UNC13C: variants seen among roughly 807,000 people sequenced by gnomAD.
UNC13C encodes protein unc-13 homolog C.
UNC13C carries 174 observed loss-of-function variants against 245.4 expected under a neutral mutation model. The observed-to-expected ratio is 0.71, with a 90% CI of 0.63 to 0.80. The LOEUF (loss-of-function observed/expected upper bound fraction) is 0.80. UNC13C is among the 30% of genes least tolerant of loss of function. UNC13C has a pLI of 0.00. For synonymous variants in UNC13C, 992 were observed against 895.1 expected, an observed-to-expected ratio of 1.11 and a Z score of -1.93; for missense variants, 2,829 against 2,602.9, an observed-to-expected ratio of 1.09 and a Z score of -1.89.
intron 2 of UNC13C, among the ~76,000 whole-genome samples, chr15:54,039,737 C>G (rs891292980): frequency 2.6e-5 from 4 of 152,128 alleles, no homozygotes; most frequent in Admixed American, 6.5e-5. Flanking sequence ...CTCCTAGACT[C>G]TAGCCTATTA....
At chr15:54,455,206 T>TCTCTCTCTCTCTCC (rs1491473719) in intron 19 of UNC13C, among the ~76,000 whole-genome samples, 1 of 24,028 alleles carries the variant, frequency 4.2e-5, no homozygotes, top group Non-Finnish European at 8.5e-5. Flanking sequence ...TCTCTCTCTC[T>TCTCTCTCTCTCTCC]ATATATATAT....
chr15:54,176,614 T>C (rs1284620724), intron 4 of UNC13C, among the ~76,000 whole-genome samples: 2 of 152,102 alleles, frequency 1.3e-5, no homozygotes, highest in Non-Finnish European at 2.9e-5. Flanking sequence ...ATAATTCATA[T>C]CCACCTTAAA....
At chr15:54,522,753 C>G (rs908051012) in intron 24 of UNC13C, among the ~76,000 whole-genome samples, 7 of 152,124 alleles carry the variant, frequency 4.6e-5, no homozygotes, top group African/African-American at 7.2e-5. Context: ...ACTCAAAATC[C>G]TTAAATTTTC....
chr15:54,620,045 T>C (rs576335776), intron 30 of UNC13C, among the ~76,000 whole-genome samples: 1 of 152,312 alleles, frequency 6.6e-6, no homozygotes, highest in African/African-American at 2.4e-5. Flanking sequence ...CATTGCACTT[T>C]AGGGTTGTAC....
intron 22 of UNC13C, among the ~76,000 whole-genome samples, chr15:54,504,457 G>A (rs563986463): frequency 6.6e-6 from 1 of 152,026 alleles, no homozygotes; most frequent in Non-Finnish European, 1.5e-5. Context: ...GACTAAAAAC[G>A]TTTAAATAAT....
chr15:53,867,445 G>A, the UNC13C span, among the ~76,000 whole-genome samples: 12 of 152,116 alleles, frequency 7.9e-5, no homozygotes, highest in African/African-American at 2.4e-4. Context: ...CCCTCTCTCC[G>A]CAGCCCAGCG....
chr15:54,223,814 C>G (rs2035296538), intron 4 of UNC13C, among the ~76,000 whole-genome samples: 1 of 151,866 alleles, frequency 6.6e-6, no homozygotes, highest in Non-Finnish European at 1.5e-5. Context: ...CAATTTCTTG[C>G]ATCAATGTTT....
At chr15:53,915,043 A>T in the UNC13C span, among the ~76,000 whole-genome samples, 1 of 152,166 alleles carries the variant, frequency 6.6e-6, no homozygotes, top group South Asian at 2.1e-4. Context: ...AATTTGAATT[A>T]TTTCACTAAA....
chr15:54,234,899 T>G (rs2140826919), intron 4 of UNC13C, 131 bp from the exon 5 acceptor site: 1 of 742,572 alleles, frequency 1.3e-6, no homozygotes, highest in East Asian at 2.7e-5. Context: ...TCTTTGCAGC[T>G]TTGTGAATCG....
In UNC13C at chr15:54,338,450, T is replaced by G. The variant is rs754483392; in HGVS notation, c.4674T>G (p.Phe1558Leu). The change falls in exon 17 of 33, where the codon TTT (phenylalanine) becomes TTG (leucine). Residue 1558 changes from phenylalanine to leucine, a missense_variant. Coordinates refer to ENST00000260323, the MANE Select transcript of UNC13C (RefSeq NM_001080534.3). ...TGGATTCTACATACAAGTATATTTT[T>G]GACAACTGCCATGAACTCTACTCCC... ...ACLDSTYKYI[F>L]DNCHELYSQL... 3.7e-6 allele frequency: 6 copies of G among 1,613,820 alleles called. No individual in the cohort carries two copies. Among genetic ancestry groups the G allele is most frequent in the Non-Finnish European group, 4.2e-6 (5 of 1,179,724 alleles).
chr15:54,575,924 A>G (rs369462559), intron 30 of UNC13C, among the ~76,000 whole-genome samples: 35 of 152,314 alleles, frequency 2.3e-4, no homozygotes, highest in African/African-American at 7.5e-4. Flanking sequence ...TTCTGATGAC[A>G]TTCACTTCAC....
chr15:54,603,319 T>G (rs1899550769), intron 30 of UNC13C, among the ~76,000 whole-genome samples: 1 of 152,212 alleles, frequency 6.6e-6, no homozygotes, highest in Non-Finnish European at 1.5e-5. Context: ...TTGAAGGTAT[T>G]GATTCCTCAA....
intron 2 of UNC13C, among the ~76,000 whole-genome samples, chr15:54,082,272 C>G (rs1898985602): frequency 6.6e-6 from 1 of 152,102 alleles, no homozygotes; most frequent in South Asian, 2.1e-4. Context: ...TGTATAGTAT[C>G]TCGCAGGTGT....
chr15:54,298,802 A>G (rs2037501400), intron 12 of UNC13C, among the ~76,000 whole-genome samples: 1 of 152,208 alleles, frequency 6.6e-6, no homozygotes, highest in Non-Finnish European at 1.5e-5. Flanking sequence ...AAGCTGAGGA[A>G]TGTACTCTTC....
At chr15:54,071,250 A>G (rs2115822) in intron 2 of UNC13C, among the ~76,000 whole-genome samples, 75,142 of 151,958 alleles carry the variant, frequency 0.49, 20,388 homozygotes, top group Non-Finnish European at 0.61. Context: ...GTGGATAGCT[A>G]TAAATATCAA....
intron 10 of UNC13C, among the ~76,000 whole-genome samples, chr15:54,273,939 A>AT (rs2036760375): frequency 1.3e-5 from 2 of 152,076 alleles, no homozygotes; most frequent in South Asian, 4.1e-4. Context: ...CTTTCTGAGC[A>AT]TTTTTTTGGT....
chr15:54,468,295 G>A (rs895433435), intron 19 of UNC13C, among the ~76,000 whole-genome samples: 4 of 151,604 alleles, frequency 2.6e-5, no homozygotes, highest in African/African-American at 9.7e-5. Context: ...TTTTTAAATA[G>A]GGTTGTTTTA....
intron 18 of UNC13C, among the ~76,000 whole-genome samples, chr15:54,396,974 C>T (rs936570895): frequency 6.7e-6 from 1 of 150,184 alleles, no homozygotes; most frequent in African/African-American, 2.4e-5. Flanking sequence ...CTTTCTTTTC[C>T]ATTATCTTAC....
At chr15:54,435,063 T>TA (rs1198073462) in intron 19 of UNC13C, among the ~76,000 whole-genome samples, 1 of 151,992 alleles carries the variant, frequency 6.6e-6, no homozygotes, top group Non-Finnish European at 1.5e-5. Flanking sequence ...TGGCAATCAT[T>TA]AAAAAATCAG....
Sources: allele counts gnomAD v4.1 joint callset (sites outside exome capture counted in the v4.1 genomes callset), GRCh38; gene constraint gnomAD v4.1.1; transcripts MANE v1.5; gene names NCBI Gene and HGNC (gene_info 2026-07-23, HGNC 2026-07-21).